The following CADPS2 variants were observed in gnomAD, a reference collection of about 807,000 sequenced individuals.
CADPS2 encodes the protein calcium-dependent secretion activator 2.
In CADPS2, 93 loss-of-function variants were observed where a neutral mutation model predicts 172.5. That is an observed-to-expected ratio of 0.54 (90% CI 0.46 to 0.64). The LOEUF is 0.64. CADPS2 is among the 30% of genes least tolerant of loss of function. The pLI is 0.00. For missense variants in CADPS2, 1,420 were observed against 1,565.9 expected, an observed-to-expected ratio of 0.91 and a Z score of 1.57; for synonymous variants, 546 against 555.2, an observed-to-expected ratio of 0.98 and a Z score of 0.23.
At chr7:122,841,810 A>C (rs1810601455) in intron 1 of CADPS2, among the ~76,000 whole-genome samples, 1 of 151,664 alleles carries the variant, frequency 6.6e-6, no homozygotes, top group Non-Finnish European at 1.5e-5. Flanking sequence ...AATACAATAA[A>C]AGTTTAGTAC....
chr7:122,495,319 A>T (rs568264463), intron 9 of CADPS2, among the ~76,000 whole-genome samples: 2 of 152,314 alleles, frequency 1.3e-5, no homozygotes, highest in Non-Finnish European at 2.9e-5. Flanking sequence ...CTTCTCAGAG[A>T]TAAACACCAT....
intron 7 of CADPS2, among the ~76,000 whole-genome samples, chr7:122,570,269 G>C (rs1047964990): frequency 7.2e-5 from 11 of 152,102 alleles, no homozygotes; most frequent in African/African-American, 2.7e-4. Context: ...GCAGCCAAAA[G>C]ACACATGAAA....
chr7:122,839,487 C>G (rs1479903255), intron 1 of CADPS2, among the ~76,000 whole-genome samples: 1 of 152,176 alleles, frequency 6.6e-6, no homozygotes, highest in Non-Finnish European at 1.5e-5. Context: ...TCAGAGTGAA[C>G]AGACAACCTA....
chr7:122,404,676 A>G lies in CADPS2; in HGVS notation c.2746+2864T>C, dbSNP rs185011318. Reference sequence around the variant, plus strand: ...CCTGTTGTTTCTTGACTTTTTAATGATTACTATTCTAACTGGTGTGAGATG... The same window carrying G: ...CCTGTTGTTTCTTGACTTTTTAATGGTTACTATTCTAACTGGTGTGAGATG... On this transcript the variant is annotated intron_variant, in intron 20 of 29. Coordinates refer to ENST00000449022, the MANE Select transcript of CADPS2 (RefSeq NM_017954.11). 6.8e-4 allele frequency among the ~76,000 whole-genome samples: 103 copies of G among 152,152 alleles called. 1 individual carries two copies. The highest frequency in any genetic ancestry group is 1.2e-3 in the South Asian group (6 of 4,824).
chr7:122,725,383 A>T (rs990306921), intron 2 of CADPS2, among the ~76,000 whole-genome samples: 4 of 151,692 alleles, frequency 2.6e-5, no homozygotes, highest in African/African-American at 9.7e-5. Flanking sequence ...GTGTGTGTGT[A>T]TATGTGGATG....
At chr7:122,581,407 T>A (rs1333684756) in intron 6 of CADPS2, 117 bp from the exon 7 acceptor site, 1 of 713,476 alleles carries the variant, frequency 1.4e-6, no homozygotes, top group Admixed American at 2.6e-5. Context: ...ATGAGCTTTT[T>A]ATCTTTGCTT....
Position 122,660,102 on chromosome 7 carries a change from A to G in CADPS2, c.786+3135T>C, listed in dbSNP as rs898605000. Among the ~76,000 whole-genome samples the G allele has an allele frequency of 2.0e-4, 30 of 152,334 alleles. 1 individual carries two copies. Among genetic ancestry groups the G allele is most frequent in the Middle Eastern group, 3.4e-3 (1 of 294 alleles). ...GGAGGAATAAATGAAGGTAAAATACATATAATCTTTTATTTTTCTTATTTT... is the reference window on the plus strand; with the variant it reads ...GGAGGAATAAATGAAGGTAAAATACGTATAATCTTTTATTTTTCTTATTTT... On this transcript the variant is annotated intron_variant, in intron 3 of 29. Transcript: ENST00000449022.
chr7:122,656,004 G>C (rs1194877577), intron 3 of CADPS2, among the ~76,000 whole-genome samples: 1 of 152,056 alleles, frequency 6.6e-6, no homozygotes, highest in African/African-American at 2.4e-5. Flanking sequence ...GAGTGTGCAG[G>C]GGAAACCACT....
intron 2 of CADPS2, among the ~76,000 whole-genome samples, chr7:122,703,133 C>T (rs2086436765): frequency 6.6e-6 from 1 of 152,066 alleles, no homozygotes; most frequent in Non-Finnish European, 1.5e-5. Flanking sequence ...GGCTGTAAAG[C>T]AATAAATAAA....
intron 25 of CADPS2, among the ~76,000 whole-genome samples, chr7:122,373,786 C>T (rs74848754): frequency 0.015 from 2,323 of 152,116 alleles, 31 homozygotes; most frequent in Non-Finnish European, 0.023. Flanking sequence ...GTGAATTCTA[C>T]CAAACATTTA....
At chr7:122,748,603 T>G (rs1014000816) in intron 1 of CADPS2, among the ~76,000 whole-genome samples, 1 of 152,066 alleles carries the variant, frequency 6.6e-6, no homozygotes, top group African/African-American at 2.4e-5. Flanking sequence ...TGACATAAAA[T>G]TACTTTCCTC....
At chr7:122,458,035 T>C (rs575384415) in intron 14 of CADPS2, among the ~76,000 whole-genome samples, 35 of 152,362 alleles carry the variant, frequency 2.3e-4, no homozygotes, top group Middle Eastern at 3.4e-3. Flanking sequence ...AAGCAATGCA[T>C]GAGCAAATGA....
At chr7:122,390,486 G>A (rs1316283912) in intron 22 of CADPS2, among the ~76,000 whole-genome samples, 1 of 151,982 alleles carries the variant, frequency 6.6e-6, no homozygotes, top group Non-Finnish European at 1.5e-5. Flanking sequence ...TATTTGGAAT[G>A]TATATATTCT....
intron 1 of CADPS2, among the ~76,000 whole-genome samples, chr7:122,774,269 T>TAC (rs56843003): frequency 0.066 from 9,460 of 142,936 alleles, 299 homozygotes; most frequent in Non-Finnish European, 0.082. Context: ...TAGATAGATA[T>TAC]ACACACACAC....
chr7:122,831,915 T>A (rs538718986), intron 1 of CADPS2, among the ~76,000 whole-genome samples: 1 of 152,176 alleles, frequency 6.6e-6, no homozygotes, highest in African/African-American at 2.4e-5. Context: ...AAAAAAACTA[T>A]ATTTCAATAC....
intron 1 of CADPS2, among the ~76,000 whole-genome samples, chr7:122,809,066 T>C (rs1584507161): frequency 6.6e-6 from 1 of 152,174 alleles, no homozygotes; most frequent in East Asian, 1.9e-4. Flanking sequence ...ACAAGGATGT[T>C]TGCCTTTAGT....
intron 27 of CADPS2, among the ~76,000 whole-genome samples, chr7:122,351,065 A>T (rs1469141255): frequency 6.6e-6 from 1 of 152,006 alleles, no homozygotes; most frequent in Non-Finnish European, 1.5e-5. Context: ...GAATGAAAAA[A>T]AATCTCATTG....
rs1366915648 is a variant in CADPS2, at chr7:122,471,517, C to T, written c.2044G>A (p.Ala682Thr). Residue 682 changes from alanine to threonine, a missense_variant, in exon 14 of 30, where the codon GCC becomes ACC. Transcript: ENST00000449022. ...GQVFVLDEYC[A>T]RYGVRGCHRH... ...TGACAGCCTCTCACACCATAACGGG[C>T]ACAGTACTCATCTAACACAAAGACT... The T allele has an allele frequency of 2.5e-6, 4 of 1,610,252 alleles. No individual in the cohort carries two copies. The highest frequency in any genetic ancestry group is 3.4e-6 in the Non-Finnish European group (4 of 1,178,134).
At chr7:122,597,301 C>T (rs1435594364) in intron 6 of CADPS2, among the ~76,000 whole-genome samples, 1 of 152,010 alleles carries the variant, frequency 6.6e-6, no homozygotes, top group Non-Finnish European at 1.5e-5. Context: ...AAAAAGAAAT[C>T]AGTAAGTAAA....
Sources: allele counts gnomAD v4.1 joint callset (sites outside exome capture counted in the v4.1 genomes callset), GRCh38; gene constraint gnomAD v4.1.1; transcripts MANE v1.5; gene names NCBI Gene and HGNC (gene_info 2026-07-23, HGNC 2026-07-21).